Variants in ATP6V0D2 observed in about 807,000 individuals in gnomAD.
ATP6V0D2 encodes V-type proton ATPase subunit d 2.
Under a neutral mutation model 40.0 loss-of-function variants are expected in ATP6V0D2, and 40 were observed. The ratio of observed to expected loss-of-function variants is 1.00; its 90% confidence interval spans 0.78 to 1.30. The LOEUF (loss-of-function observed/expected upper bound fraction) is 1.30. ATP6V0D2 is among the 50% of genes most tolerant of loss of function. The pLI is 0.00. For missense variants in ATP6V0D2, 470 were observed against 423.1 expected (o/e 1.11, Z -0.97); for synonymous variants, 179 against 156.3 (o/e 1.15, Z -1.08).
chr8:86,132,973 A>C (rs909081438), intron 2 of ATP6V0D2, among the ~76,000 whole-genome samples: 1 of 152,088 alleles, frequency 6.6e-6, no homozygotes, highest in Non-Finnish European at 1.5e-5. Flanking sequence ...TTTTTTCCAC[A>C]TCCTCTCTCC....
intron 2 of ATP6V0D2, among the ~76,000 whole-genome samples, chr8:86,126,983 C>A (rs1467699497): frequency 6.6e-6 from 1 of 152,146 alleles, no homozygotes; most frequent in Non-Finnish European, 1.5e-5. Flanking sequence ...GCTATTATGG[C>A]AATGCTGACT....
At position 86,153,592 on chromosome 8, in the gene ATP6V0D2, G is replaced by A. The variant is rs1195607163; in HGVS notation, c.*615G>A. On this transcript the variant is annotated 3_prime_UTR_variant, in exon 8 of 8. Transcript: ENST00000285393. ...GCTGGTGTCGAATTCCTGGGCTCCA[G>A]GGATCCACAGTCCCCCTTGGCCTCC... 1.3e-5 allele frequency: 2 copies of A among 152,292 alleles called. No homozygotes were observed. The highest frequency in any genetic ancestry group is 4.8e-5 in the African/African-American group (2 of 41,426). The allele number at this position is 152,292 out of a possible 1,614,324, so 9.4% of individuals were successfully genotyped here. A position where few individuals can be genotyped will look rare whatever the true frequency, so the allele number is the denominator to read the frequency against.
chr8:86,129,204 G>A (rs1350358714), intron 2 of ATP6V0D2, among the ~76,000 whole-genome samples: 1 of 152,192 alleles, frequency 6.6e-6, no homozygotes. Context: ...GGGTTTTTAA[G>A]TTGCAGAGCT....
chr8:86,119,845 A>C (rs1392919361), intron 2 of ATP6V0D2, among the ~76,000 whole-genome samples: 1 of 152,158 alleles, frequency 6.6e-6, no homozygotes, highest in Non-Finnish European at 1.5e-5. Context: ...GCTTTGAATT[A>C]GTGCTTTTAG....
chr8:86,144,848 A>T (rs12056618), intron 5 of ATP6V0D2, among the ~76,000 whole-genome samples: 61,923 of 151,208 alleles, frequency 0.41, 14,412 homozygotes, highest in African/African-American at 0.65. Flanking sequence ...TTTATTTTTT[A>T]AAAAAGTTTG....
intron 2 of ATP6V0D2, among the ~76,000 whole-genome samples, chr8:86,120,639 A>G (rs1818657341): frequency 6.6e-6 from 1 of 152,188 alleles, no homozygotes; most frequent in African/African-American, 2.4e-5. Context: ...TATTTAAGCT[A>G]CTTATCAGAC....
rs766901635 is a variant in ATP6V0D2 at position 86,098,970 on chromosome 8, T to C, written c.-9T>C. The C allele has an allele frequency of 4.3e-6, 7 of 1,612,820 alleles. No individual in the cohort carries two copies. The highest frequency in any genetic ancestry group is 5.9e-6 in the Non-Finnish European group (7 of 1,179,598). ...GTTTCACCCTACCTTGGCTTCAATC[T>C]CTTCCCCCATGCTCGAAGGTGCGGA... On this transcript the variant is annotated 5_prime_UTR_variant, in exon 1 of 8. Coordinates refer to ENST00000285393, the MANE Select transcript of ATP6V0D2 (RefSeq NM_152565.1).
chr8:86,101,949 C>A (rs1293774368), intron 1 of ATP6V0D2, among the ~76,000 whole-genome samples: 1 of 152,124 alleles, frequency 6.6e-6, no homozygotes, highest in Non-Finnish European at 1.5e-5. Context: ...ATCATCAAAC[C>A]ATGTTTAGGT....
intron 7 of ATP6V0D2, 100 bp from the exon 8 acceptor site, chr8:86,152,716 A>G: frequency 8.2e-7 from 1 of 1,213,870 alleles, no homozygotes; most frequent in South Asian, 1.9e-5. Context: ...GTTTAAACAC[A>G]AATAAGCACT....
chr8:86,134,062 T>A (rs1475187033), intron 2 of ATP6V0D2, among the ~76,000 whole-genome samples: 1 of 152,018 alleles, frequency 6.6e-6, no homozygotes, highest in Non-Finnish European at 1.5e-5. Flanking sequence ...AAACAAATCT[T>A]GAAAGCTATG....
intron 1 of ATP6V0D2, among the ~76,000 whole-genome samples, chr8:86,111,774 A>G (rs1279933635): frequency 1.3e-5 from 2 of 152,126 alleles, no homozygotes; most frequent in Non-Finnish European, 2.9e-5. Context: ...CCACTCTTAC[A>G]TAATATTCTA....
intron 1 of ATP6V0D2, among the ~76,000 whole-genome samples, chr8:86,106,867 G>A (rs555950238): frequency 3.3e-5 from 5 of 152,180 alleles, no homozygotes; most frequent in South Asian, 4.1e-4. Flanking sequence ...ATTTGGAGCT[G>A]TGGAGAGTAC....
chr8:86,137,342 CT>C (rs5892976), intron 2 of ATP6V0D2, among the ~76,000 whole-genome samples: 2,188 of 152,242 alleles, frequency 0.014, 45 homozygotes, highest in African/African-American at 0.049. Context: ...ATTCTCTCCC[CT>C]GATTCTCCTT....
intron 2 of ATP6V0D2, among the ~76,000 whole-genome samples, chr8:86,115,290 G>A: frequency 6.7e-6 from 1 of 149,588 alleles, no homozygotes; most frequent in Non-Finnish European, 1.5e-5. Context: ...AAAAGAATCC[G>A]CTTATCTGAC....
At chr8:86,107,801 G>A (rs911294760) in intron 1 of ATP6V0D2, among the ~76,000 whole-genome samples, 1 of 152,172 alleles carries the variant, frequency 6.6e-6, no homozygotes, top group African/African-American at 2.4e-5. Flanking sequence ...ACGGGAGTGA[G>A]CAGCAGAAAT....
At position 86,139,045 on chromosome 8, in the gene ATP6V0D2, C is replaced by T. The variant is rs1586100078; in HGVS notation, c.303-412C>T. Among the ~76,000 whole-genome samples the T allele has an allele frequency of 5.9e-5, 9 of 152,082 alleles. 1 individual carries two copies. The South Asian group carries it at 1.9e-3, about 32-fold the overall frequency. On this transcript the variant is annotated intron_variant, in intron 2 of 7. Coordinates refer to ENST00000285393, the MANE Select transcript of ATP6V0D2 (RefSeq NM_152565.1). ...GAGTTTGAGACCAGCCTGGCCAACA[C>T]AGTGAAACCCTGTATCTACTAAAAA...
intron 5 of ATP6V0D2, among the ~76,000 whole-genome samples, chr8:86,144,198 G>A (rs531890271): frequency 6.6e-6 from 1 of 152,278 alleles, no homozygotes; most frequent in East Asian, 1.9e-4. Flanking sequence ...ATATGCATGG[G>A]AGATTCAGGG....
At position 86,152,837 on chromosome 8, in the gene ATP6V0D2, T is replaced by C. The variant is rs1819176107; in HGVS notation, c.913T>C (p.Phe305Leu). Reference sequence around the variant, plus strand: ...TCAGGTACAAATGAATGTGCTGGCATTCAACAGACAGTTCCACTACGGTGT... The same window carrying C: ...TCAGGTACAAATGAATGTGCTGGCACTCAACAGACAGTTCCACTACGGTGT... ...EREVQMNVLA[F>L]NRQFHYGVFY... The change falls in exon 8 of 8, where the codon TTC becomes CTC. Residue 305 changes from phenylalanine to leucine, a missense_variant. Transcript: ENST00000285393. 1 of 1,597,528 alleles carries C rather than the reference T, an allele frequency of 6.3e-7. No individual in the cohort carries two copies. The highest frequency in any genetic ancestry group is 8.5e-7 in the Non-Finnish European group (1 of 1,175,478).
At chr8:86,104,879 A>ACACACACAC (rs61589485) in intron 1 of ATP6V0D2, among the ~76,000 whole-genome samples, 18 of 150,632 alleles carry the variant, frequency 1.2e-4, no homozygotes, top group African/African-American at 3.0e-4. Flanking sequence ...ACACACACAC[A>ACACACACAC]TCAAGAGCTT....
Sources: gnomAD v4.1 joint callset for allele counts (sites outside exome capture counted in the v4.1 genomes callset) on GRCh38, gnomAD v4.1.1 for gene constraint, MANE v1.5 for transcripts, NCBI Gene and HGNC (gene_info 2026-07-23, HGNC 2026-07-21) for gene names.